CEP112: variants seen among roughly 807,000 people sequenced by gnomAD.
CEP112 encodes centrosomal protein 112.
CEP112 carries 127 observed loss-of-function variants against 153.0 expected under a neutral mutation model. The observed-to-expected ratio is 0.83, with a 90% CI of 0.72 to 0.96. CEP112 has a LOEUF of 0.96. Among genes scored for constraint, CEP112 ranks in the 40% least tolerant of loss-of-function variants. CEP112 has a pLI of 0.00. For synonymous variants in CEP112, 358 were observed against 374.4 expected, an observed-to-expected ratio of 0.96 and a Z score of 0.51; for missense variants, 1,089 against 1,101.2, an observed-to-expected ratio of 0.99 and a Z score of 0.16.
At chr17:65,908,753 G>C (rs2060176566) in intron 19 of CEP112, among the ~76,000 whole-genome samples, 1 of 151,724 alleles carries the variant, frequency 6.6e-6, no homozygotes, top group Admixed American at 6.6e-5. Context: ...AACACATGCA[G>C]AACTTGAAAT....
At chr17:65,980,443 A>G (rs929083653) in intron 17 of CEP112, among the ~76,000 whole-genome samples, 4 of 152,166 alleles carry the variant, frequency 2.6e-5, no homozygotes, top group African/African-American at 7.2e-5. Flanking sequence ...TAATCTGACA[A>G]AATCTTTCTT....
At chr17:65,968,899 G>C (rs986930690) in intron 17 of CEP112, among the ~76,000 whole-genome samples, 1 of 152,028 alleles carries the variant, frequency 6.6e-6, no homozygotes, top group Admixed American at 6.6e-5. Context: ...TTTATAATAA[G>C]TACTTATCGT....
chr17:66,100,121 G>A (rs1305827536), intron 6 of CEP112, among the ~76,000 whole-genome samples: 1 of 152,036 alleles, frequency 6.6e-6, no homozygotes, highest in African/African-American at 2.4e-5. Context: ...TAAATTAAGA[G>A]TTGTACAAGA....
Position 65,664,408 on chromosome 17 carries a change from G to A in CEP112, c.2698-23343C>T, listed in dbSNP as rs111871654. ...TTTAAGAGAACTTAAAAGTCTGGCA[G>A]AGAGATCCAATAAGTGAGTGTGAGG... is the stretch of plus-strand genomic sequence containing the variant. On this transcript the variant is annotated intron_variant, in intron 24 of 26. Transcript: ENST00000535342. 6.3e-3 allele frequency among the ~76,000 whole-genome samples: 964 copies of A among 152,320 alleles called. 13 individuals carry two copies. The highest frequency in any genetic ancestry group is 0.022 in the African/African-American group (913 of 41,568).
chr17:65,762,942 C>G (rs1002250149), intron 21 of CEP112, among the ~76,000 whole-genome samples: 6 of 151,968 alleles, frequency 3.9e-5, no homozygotes, highest in Admixed American at 3.9e-4. Flanking sequence ...TTACCTATAT[C>G]ATTTTCATTT....
At chr17:66,173,146 T>C (rs1377093251) in intron 4 of CEP112, among the ~76,000 whole-genome samples, 1 of 152,158 alleles carries the variant, frequency 6.6e-6, no homozygotes, top group Non-Finnish European at 1.5e-5. Flanking sequence ...AAATACTTCA[T>C]TTTCCTCTTA....
At chr17:65,756,554 T>A (rs2052295823) in intron 21 of CEP112, among the ~76,000 whole-genome samples, 1 of 152,040 alleles carries the variant, frequency 6.6e-6, no homozygotes, top group South Asian at 2.1e-4. Context: ...ATCACAGTAG[T>A]TTGGCAACAT....
chr17:65,760,705 T>A (rs550694017), intron 21 of CEP112, among the ~76,000 whole-genome samples: 1 of 151,830 alleles, frequency 6.6e-6, no homozygotes, highest in Admixed American at 6.6e-5. Context: ...GTTAATAGAT[T>A]TTTTTTCTTA....
chr17:66,121,130 G>A (rs1177941374), intron 6 of CEP112, among the ~76,000 whole-genome samples: 2 of 152,042 alleles, frequency 1.3e-5, no homozygotes, highest in Non-Finnish European at 2.9e-5. Flanking sequence ...AATACAAAAA[G>A]TTAGGCGTGG....
At chr17:66,179,451 T>C (rs183914353) in intron 2 of CEP112, among the ~76,000 whole-genome samples, 53 of 152,286 alleles carry the variant, frequency 3.5e-4, no homozygotes, top group East Asian at 2.7e-3. Flanking sequence ...TTTGTAGCAA[T>C]TGGAAATGAG....
At chr17:65,836,933 C>A (rs2146180546) in intron 21 of CEP112, among the ~76,000 whole-genome samples, 1 of 151,982 alleles carries the variant, frequency 6.6e-6, no homozygotes, top group South Asian at 2.1e-4. Context: ...CTGCCCAGTG[C>A]CTGGGATTGC....
intron 20 of CEP112, among the ~76,000 whole-genome samples, chr17:65,874,071 T>A (rs180815968): frequency 3.9e-5 from 6 of 152,212 alleles, no homozygotes; most frequent in Admixed American, 6.5e-5. Flanking sequence ...TGTGTACAGA[T>A]ATTTTATTTG....
At chr17:65,690,128 A>C (rs978340620) in intron 23 of CEP112, among the ~76,000 whole-genome samples, 13 of 150,582 alleles carry the variant, frequency 8.6e-5, no homozygotes, top group East Asian at 3.9e-4. Flanking sequence ...AAAAAAAAAA[A>C]AAAAAAAAAA....
At chr17:65,926,686 C>T (rs955432533) in intron 19 of CEP112, among the ~76,000 whole-genome samples, 6 of 151,008 alleles carry the variant, frequency 4.0e-5, no homozygotes, top group Non-Finnish European at 7.4e-5. Flanking sequence ...GCACTCCAGC[C>T]TGGGTGAGAG....
chr17:65,670,033 A>G (rs1299481553), intron 24 of CEP112, among the ~76,000 whole-genome samples: 1 of 152,146 alleles, frequency 6.6e-6, no homozygotes, highest in Non-Finnish European at 1.5e-5. Context: ...TTTATCTTAC[A>G]GTCGAAGGCT....
chr17:65,656,733 T>A (rs1432477088), intron 24 of CEP112, among the ~76,000 whole-genome samples: 1 of 152,164 alleles, frequency 6.6e-6, no homozygotes, highest in East Asian at 1.9e-4. Context: ...CTCCACTAGG[T>A]AGGGACTGTG....
chr17:66,076,581 A>C (rs763900476), intron 8 of CEP112, among the ~76,000 whole-genome samples: 5 of 152,144 alleles, frequency 3.3e-5, no homozygotes, highest in Non-Finnish European at 7.4e-5. Context: ...GAGCTCAGAC[A>C]TGCCTAGCCC....
At chr17:65,898,678 T>C (rs1251245996) in intron 20 of CEP112, among the ~76,000 whole-genome samples, 1 of 152,172 alleles carries the variant, frequency 6.6e-6, no homozygotes, top group Admixed American at 6.6e-5. Flanking sequence ...AAATTCAATA[T>C]ATTTTTCAGA....
intron 23 of CEP112, among the ~76,000 whole-genome samples, chr17:65,738,342 T>C (rs147720167): frequency 1.3e-5 from 2 of 152,176 alleles, no homozygotes; most frequent in Non-Finnish European, 2.9e-5. Flanking sequence ...GCAGAAAGTA[T>C]AAGGGTGCAA....
Sources: allele counts gnomAD v4.1 joint callset (sites outside exome capture counted in the v4.1 genomes callset), GRCh38; gene constraint gnomAD v4.1.1; transcripts MANE v1.5; gene names NCBI Gene and HGNC (gene_info 2026-07-23, HGNC 2026-07-21).